Variants in GPSM2 observed in about 807,000 individuals in gnomAD.
GPSM2 encodes G protein-signaling modulator 2.
A neutral mutation model predicts 78.4 loss-of-function variants in GPSM2; 58 were observed. The ratio of observed to expected loss-of-function variants is 0.74; its 90% confidence interval spans 0.60 to 0.92. GPSM2 has a LOEUF of 0.92. Among genes scored for constraint, GPSM2 ranks in the 40% least tolerant of loss-of-function variants. The pLI is 0.00. For synonymous variants in GPSM2, 224 were observed against 280.2 expected, an observed-to-expected ratio of 0.80 and a Z score of 2.00; for missense variants, 700 against 815.5, an observed-to-expected ratio of 0.86 and a Z score of 1.73.
intron 7 of GPSM2, among the ~76,000 whole-genome samples, chr1:108,900,226 T>C (rs2101418612): frequency 6.6e-6 from 1 of 151,700 alleles, no homozygotes; most frequent in South Asian, 2.1e-4. Context: ...TTAGAACTCT[T>C]CTTTAGATTT....
Position 108,933,433 on chromosome 1 carries a change from G to A in GPSM2, c.*3493G>A, listed in dbSNP as rs930673641. 5 of 142,368 alleles carry A rather than the reference G, an allele frequency of 3.5e-5. No homozygotes were observed. Among genetic ancestry groups the A allele is most frequent in the African/African-American group, 1.3e-4 (5 of 37,338 alleles). The allele number at this position is 142,368 out of a possible 1,614,324, so 8.8% of individuals were successfully genotyped here. On this transcript the variant is annotated 3_prime_UTR_variant, in exon 15 of 15. Coordinates refer to ENST00000264126, the MANE Select transcript of GPSM2 (RefSeq NM_013296.5). ...GCTAGGACTGTAGGCATGAGCCACT[G>A]CACCTGGCCTAAAATTACATTGTTA...
Position 108,897,575 on chromosome 1 carries a change from C to T in GPSM2, c.362C>T (p.Ala121Val). 1 of 1,613,038 alleles carries T rather than the reference C, an allele frequency of 6.2e-7. No individual in the cohort carries two copies. Among genetic ancestry groups the T allele is most frequent in the Non-Finnish European group, 8.5e-7 (1 of 1,179,550 alleles). Reference sequence around the variant, plus strand: ...AAAGTTCTTGGGAATTTTGACGAAGCCATAGTTTGTTGTCAGCGACACCTA... The same window carrying T: ...AAAGTTCTTGGGAATTTTGACGAAGTCATAGTTTGTTGTCAGCGACACCTA... The part of the protein sequence containing the change: ...TLKVLGNFDE[A>V]IVCCQRHLDI... Residue 121 changes from alanine (A) to valine (V), a missense_variant, in exon 4 of 15, where the codon GCC becomes GTC. Physicochemically the swap from Ala to Val is moderately conservative, Grantham distance 64. Coordinates refer to ENST00000264126, the MANE Select transcript of GPSM2 (RefSeq NM_013296.5).
At chr1:108,911,996 T>C (rs376686561) in intron 10 of GPSM2, among the ~76,000 whole-genome samples, 3 of 152,032 alleles carry the variant, frequency 2.0e-5, no homozygotes, top group East Asian at 1.9e-4. Flanking sequence ...TTTGCAGATA[T>C]GGGGTTTTGC....
chr1:108,911,158 A>G (rs181899310), intron 10 of GPSM2, among the ~76,000 whole-genome samples: 22 of 152,338 alleles, frequency 1.4e-4, no homozygotes, highest in Admixed American at 5.2e-4. Flanking sequence ...TCATCATGCA[A>G]AAACTAACCA....
chr1:108,927,529 A>G (rs1374734413), intron 14 of GPSM2, among the ~76,000 whole-genome samples: 1 of 152,206 alleles, frequency 6.6e-6, no homozygotes, highest in Non-Finnish European at 1.5e-5. Flanking sequence ...TGCCAAGACC[A>G]TTCAGTGGGG....
intron 10 of GPSM2, among the ~76,000 whole-genome samples, chr1:108,908,599 TG>T (rs977874758): frequency 6.6e-6 from 1 of 150,576 alleles, no homozygotes; most frequent in Admixed American, 6.6e-5. Flanking sequence ...GGCGTGAACC[TG>T]GGGGGCGGAG....
At chr1:108,879,814 C>CA (rs1160622842) in intron 1 of GPSM2, among the ~76,000 whole-genome samples, 3 of 150,204 alleles carry the variant, frequency 2.0e-5, no homozygotes, top group Non-Finnish European at 4.4e-5. Context: ...GACTCCATCT[C>CA]AAAAAAAAAG....
In GPSM2 at chr1:108,931,580, T is replaced by C; in HGVS notation, c.*1640T>C. ...ATAGAACTATTTCTCTAATGGCCAA[T>C]GTTTTTTAAGAGTCATAACCTGGAA... On this transcript the variant is annotated 3_prime_UTR_variant, in exon 15 of 15. Coordinates refer to ENST00000264126, the MANE Select transcript of GPSM2 (RefSeq NM_013296.5). 7.0e-7 allele frequency: 1 copy of C among 1,437,698 alleles called. No homozygotes were observed. The highest frequency in any genetic ancestry group is 9.2e-7 in the Non-Finnish European group (1 of 1,086,556). 89.1% of individuals were successfully genotyped at this position (1,437,698 alleles called of 1,614,324 possible).
intron 7 of GPSM2, among the ~76,000 whole-genome samples, chr1:108,899,779 G>GAAT (rs1282082121): frequency 9.2e-5 from 14 of 152,148 alleles, no homozygotes; most frequent in African/African-American, 3.4e-4. Flanking sequence ...TGTTAAAGAA[G>GAAT]CCAATATGAG....
In GPSM2 at chr1:108,896,866, T is replaced by C. The variant is rs375978544; in HGVS notation, c.59T>C (p.Met20Thr). 5 of 1,608,984 alleles carry C rather than the reference T, an allele frequency of 3.1e-6. No homozygotes were observed. The highest frequency in any genetic ancestry group is 4.3e-6 in the Non-Finnish European group (5 of 1,175,246). ...EDHSFHVRYR[M>T]EASCLELALE... ...GTCTGTCCTGTATAATTTTGTAGAA[T>C]GGAAGCTTCTTGCCTAGAGCTGGCC... The change falls in exon 3 of 15, where the codon ATG (methionine) becomes ACG (threonine). Residue 20 changes from methionine (M) to threonine (T), a missense_variant and splice_region_variant. Physicochemically the swap from Met to Thr is moderately conservative, Grantham distance 81 (BLOSUM62 -1). Coordinates refer to ENST00000264126, the MANE Select transcript of GPSM2 (RefSeq NM_013296.5).
chr1:108,913,783 G>A (rs1281902623), intron 10 of GPSM2, among the ~76,000 whole-genome samples: 1 of 152,034 alleles, frequency 6.6e-6, no homozygotes, highest in Non-Finnish European at 1.5e-5. Flanking sequence ...ACATTGAATG[G>A]ATATGGAAAT....
In GPSM2 at chr1:108,918,522, T is replaced by G. The variant is rs1475079134; in HGVS notation, c.1264-91T>G. ...CCTCTCTCCCCCAATAGTAAATAAG[T>G]GAGTACGTCAGGTTAATATTATGGG... is the stretch of plus-strand genomic sequence containing the variant. On this transcript the variant is annotated intron_variant, in intron 11 of 14. Coordinates refer to ENST00000264126, the MANE Select transcript of GPSM2 (RefSeq NM_013296.5). 3 of 910,510 alleles carry G rather than the reference T, an allele frequency of 3.3e-6. No individual in the cohort carries two copies. In the East Asian group the frequency reaches 7.2e-5, roughly 22 times the overall value. The allele number at this position is 910,510 out of a possible 1,614,324, so 56.4% of individuals were successfully genotyped here.
chr1:108,898,817 C>A, intron 6 of GPSM2, 52 bp downstream of exon 6: 2 of 1,604,638 alleles, frequency 1.2e-6, no homozygotes, highest in Non-Finnish European at 1.7e-6. Context: ...AAGTTCTGAA[C>A]AGTGATTAGA....
chr1:108,921,837 CTATTA>C (rs1650731995), intron 12 of GPSM2, among the ~76,000 whole-genome samples: 1 of 152,112 alleles, frequency 6.6e-6, no homozygotes, highest in Non-Finnish European at 1.5e-5. Flanking sequence ...ATATGTGCCT[CTATTA>C]TAATATATCA....
At chr1:108,896,783 A>C in intron 2 of GPSM2, 81 bp from the exon 3 acceptor site, 1 of 1,088,928 alleles carries the variant, frequency 9.2e-7, no homozygotes, top group Non-Finnish European at 1.4e-6. Context: ...GTAGCCGCTT[A>C]AATTATATTA....
chr1:108,924,467 T>A, intron 14 of GPSM2: 1 of 508,492 alleles, frequency 2.0e-6, no homozygotes, highest in Non-Finnish European at 3.6e-6. Context: ...AGAGAGAGAG[T>A]ATATGTGTGT....
At chr1:108,877,373 T>TGG (rs1352456808) in intron 1 of GPSM2, 145 bp downstream of exon 1, 3 of 151,660 alleles carry the variant, frequency 2.0e-5, no homozygotes, top group Non-Finnish European at 4.4e-5. Context: ...GGAGGCGGGC[T>TGG]GGGGGCTTGC....
At chr1:108,879,117 T>G (rs996228843) in intron 1 of GPSM2, among the ~76,000 whole-genome samples, 2 of 152,382 alleles carry the variant, frequency 1.3e-5, no homozygotes, top group South Asian at 4.1e-4. Flanking sequence ...AATCATCTTA[T>G]AAATCACATT....
At chr1:108,915,146 G>T (rs1382998749) in intron 11 of GPSM2, among the ~76,000 whole-genome samples, 1 of 151,968 alleles carries the variant, frequency 6.6e-6, no homozygotes, top group Non-Finnish European at 1.5e-5. Context: ...GCCGAGGTGG[G>T]TGGATCACGA....
Sources: allele counts gnomAD v4.1 joint callset (sites outside exome capture counted in the v4.1 genomes callset), GRCh38; gene constraint gnomAD v4.1.1; transcripts MANE v1.5; gene names NCBI Gene and HGNC (gene_info 2026-07-23, HGNC 2026-07-21).